Variants in CTSO observed in about 807,000 individuals in gnomAD.
CTSO encodes cathepsin O.
CTSO carries 40 observed loss-of-function variants against 42.4 expected under a neutral mutation model. The ratio of observed to expected loss-of-function variants is 0.94; its 90% CI spans 0.73 to 1.23. The LOEUF (loss-of-function observed/expected upper bound fraction) is 1.23, where lower values mean the gene tolerates loss of function less well. Among genes scored for constraint, CTSO ranks in the 50% most tolerant of loss-of-function variants. The pLI, the probability that CTSO is intolerant of heterozygous loss-of-function variation, is 0.00. For synonymous variants in CTSO, 156 were observed against 146.2 expected (o/e 1.07, Z -0.48); for missense variants, 441 against 396.0 (o/e 1.11, Z -0.96).
At position 155,943,149 on chromosome 4, in the gene CTSO, A is replaced by G; in HGVS notation, c.244+7T>C. On this transcript the variant is annotated splice_region_variant and intron_variant, in intron 2 of 7. Coordinates refer to ENST00000433477, the MANE Select transcript of CTSO (RefSeq NM_001334.3). ...GAAACCACCTAAATAGCAACATCGGACTATACCTTTAAACTCTTCAGGAAA... is the reference window on the plus strand; with the variant it reads ...GAAACCACCTAAATAGCAACATCGGGCTATACCTTTAAACTCTTCAGGAAA... 6.4e-7 allele frequency: 1 copy of G among 1,554,224 alleles called. No individual in the cohort carries two copies. The highest frequency in any genetic ancestry group is 8.8e-7 in the Non-Finnish European group (1 of 1,130,958).
At chr4:155,939,345 G>C (rs201332772) in intron 4 of CTSO, 26 bp downstream of exon 4, 1 of 1,563,970 alleles carries the variant, frequency 6.4e-7, no homozygotes, top group East Asian at 2.3e-5. Context: ...GAAATAAAGA[G>C]TTTAAGAGGT....
chr4:155,928,272 TA>T, intron 7 of CTSO, 63 bp downstream of exon 7: 1 of 1,253,984 alleles, frequency 8.0e-7, no homozygotes, highest in Non-Finnish European at 1.1e-6. Flanking sequence ...ATTGTAACTC[TA>T]AAATATTCAA....
At chr4:155,930,061 C>T (rs1267513192) in intron 5 of CTSO, among the ~76,000 whole-genome samples, 4 of 152,150 alleles carry the variant, frequency 2.6e-5, no homozygotes, top group Admixed American at 6.5e-5. Flanking sequence ...AGAAATAACC[C>T]GCAACACTTC....
At chr4:155,943,869 C>G (rs1393008357) in intron 1 of CTSO, among the ~76,000 whole-genome samples, 1 of 152,096 alleles carries the variant, frequency 6.6e-6, no homozygotes, top group Non-Finnish European at 1.5e-5. Context: ...GGAAATGTGA[C>G]CATTATTTAC....
Position 155,943,195 on chromosome 4 carries a change from T to C in CTSO, c.205A>G (p.Ile69Val). The change falls in exon 2 of 8, where the codon ATA becomes GTA. Residue 69 changes from isoleucine (I) to valine (V), a missense_variant. Transcript: ENST00000433477. ...PSENSTAFYGINQFSYLFPEE... is the reference protein window; with the variant it reads ...PSENSTAFYGVNQFSYLFPEE... ...GGAAACAAATAGGAAAACTGATTTA[T>C]TCCATAGAAGGCGGTGGAGTTTTCA... 1 of 1,612,172 alleles carries C rather than the reference T, an allele frequency of 6.2e-7. No individual in the cohort carries two copies.
chr4:155,937,600 C>G, intron 4 of CTSO, 117 bp from the exon 5 acceptor site: 1 of 945,850 alleles, frequency 1.1e-6, no homozygotes, highest in South Asian at 1.5e-5. Context: ...TGTGGATATA[C>G]TTTGCGTTCT....
chr4:155,934,612 T>C (rs1366803339), intron 5 of CTSO, among the ~76,000 whole-genome samples: 1 of 152,164 alleles, frequency 6.6e-6, no homozygotes, highest in African/African-American at 2.4e-5. Context: ...AACCCACATC[T>C]TGCATCAGCA....
chr4:155,951,432 C>T (rs1743672186), intron 1 of CTSO, among the ~76,000 whole-genome samples: 1 of 152,104 alleles, frequency 6.6e-6, no homozygotes, highest in Non-Finnish European at 1.5e-5. Context: ...ATAAGGGGTG[C>T]CATCCAAAGT....
chr4:155,928,283 A>C, intron 7 of CTSO, 53 bp downstream of exon 7: 1 of 1,318,018 alleles, frequency 7.6e-7, no homozygotes, highest in Non-Finnish European at 1.1e-6. Flanking sequence ...AAAATATTCA[A>C]ATAATCTCCT....
chr4:155,931,633 T>C (rs1743235661), intron 5 of CTSO, among the ~76,000 whole-genome samples: 1 of 152,102 alleles, frequency 6.6e-6, no homozygotes, highest in African/African-American at 2.4e-5. Flanking sequence ...CAGACAGCAT[T>C]TTAATTTCCA....
chr4:155,951,115 T>A (rs1450115095), intron 1 of CTSO, among the ~76,000 whole-genome samples: 1 of 152,150 alleles, frequency 6.6e-6, no homozygotes, highest in Non-Finnish European at 1.5e-5. Context: ...AATAATCTTA[T>A]AATAATATAA....
chr4:155,953,631 C>CG, intron 1 of CTSO, 82 bp downstream of exon 1: 2 of 1,226,970 alleles, frequency 1.6e-6, no homozygotes, highest in Non-Finnish European at 2.0e-6. Flanking sequence ...GGTCAGCTCT[C>CG]GGGGGCCCTC....
At chr4:155,935,612 C>T (rs550832336) in intron 5 of CTSO, among the ~76,000 whole-genome samples, 1 of 152,264 alleles carries the variant, frequency 6.6e-6, no homozygotes, top group East Asian at 1.9e-4. Context: ...GATCGTTTCT[C>T]TTCCTCCCAC....
At position 155,953,859 on chromosome 4, in the gene CTSO, G is replaced by T; in HGVS notation, c.-12C>A. 7 of 1,268,838 alleles carry T rather than the reference G, an allele frequency of 5.5e-6. No individual in the cohort carries two copies. Among genetic ancestry groups the T allele is most frequent in the South Asian group, 2.9e-5 (1 of 34,812 alleles). 78.6% of individuals were successfully genotyped at this position (1,268,838 alleles called of 1,614,324 possible). ...GCCCGCACGTCCATTGCGGCGCCCG[G>T]CTCCTCTGCCGCCCGCGCGGCCTGT... is the stretch of plus-strand genomic sequence containing the variant. On this transcript the variant is annotated 5_prime_UTR_variant, in exon 1 of 8. Transcript: ENST00000433477.
chr4:155,925,162 C>T lies in CTSO; in HGVS notation c.*874G>A, dbSNP rs1478748167. On this transcript the variant is annotated 3_prime_UTR_variant, in exon 8 of 8. Coordinates refer to ENST00000433477, the MANE Select transcript of CTSO (RefSeq NM_001334.3). ...TGGAAAGTAAAAATGAGACTTAATT[C>T]TTTAGTCAGGGAAGCCAAGCCACCA... The T allele has an allele frequency of 6.8e-6, 1 of 146,114 alleles. No homozygotes were observed. Among genetic ancestry groups the T allele is most frequent in the Non-Finnish European group, 1.5e-5 (1 of 66,250 alleles). The allele number at this position is 146,114 out of a possible 1,614,324, so 9.1% of individuals were successfully genotyped here.
intron 1 of CTSO, among the ~76,000 whole-genome samples, chr4:155,951,554 G>A (rs970654073): frequency 6.6e-5 from 10 of 152,090 alleles, no homozygotes; most frequent in Admixed American, 5.2e-4. Context: ...TTCATTTAAC[G>A]TGCATTCCTG....
chr4:155,933,805 G>C (rs978904733), intron 5 of CTSO, among the ~76,000 whole-genome samples: 1 of 152,184 alleles, frequency 6.6e-6, no homozygotes, highest in Non-Finnish European at 1.5e-5. Context: ...GTATCTGGCG[G>C]AAGAAATTTC....
intron 1 of CTSO, among the ~76,000 whole-genome samples, chr4:155,951,188 G>A (rs1157648702): frequency 6.6e-6 from 1 of 152,134 alleles, no homozygotes; most frequent in Non-Finnish European, 1.5e-5. Flanking sequence ...AAAATCACAT[G>A]TACTTTGGCA....
chr4:155,935,161 G>A (rs1428490068), intron 5 of CTSO, among the ~76,000 whole-genome samples: 1 of 152,106 alleles, frequency 6.6e-6, no homozygotes, highest in Admixed American at 6.5e-5. Flanking sequence ...CGGGGGTTAC[G>A]CTTTTGCTTC....
Sources: gnomAD v4.1 joint callset for allele counts (sites outside exome capture counted in the v4.1 genomes callset) on GRCh38, gnomAD v4.1.1 for gene constraint, MANE v1.5 for transcripts, NCBI Gene and HGNC (gene_info 2026-07-23, HGNC 2026-07-21) for gene names.